Variants in DOP1A observed in about 807,000 individuals in gnomAD.
DOP1A encodes the protein DOP1 leucine zipper like protein A.
DOP1A carries 90 observed loss-of-function variants against 267.6 expected under a neutral mutation model. That is an observed-to-expected ratio of 0.34 (90% CI 0.28 to 0.40). The LOEUF is 0.40. Among genes scored for constraint, DOP1A ranks in the 10% least tolerant of loss-of-function variants. The pLI, the probability that DOP1A is intolerant of heterozygous loss-of-function variation, is 1.00. For synonymous variants in DOP1A, 932 were observed against 999.1 expected (o/e 0.93, Z 1.27); for missense variants, 2,437 against 2,900.4 (o/e 0.84, Z 3.67).
At chr6:83,125,296 A>G (rs1776986844) in intron 14 of DOP1A, 101 bp downstream of exon 14, 1 of 1,240,808 alleles carries the variant, frequency 8.1e-7, no homozygotes, top group Middle Eastern at 2.4e-4. Flanking sequence ...ATTTTATAAT[A>G]TATGCTTTGA....
chr6:83,150,852 A>G (rs1781524252), intron 27 of DOP1A, among the ~76,000 whole-genome samples: 1 of 152,232 alleles, frequency 6.6e-6, no homozygotes, highest in Non-Finnish European at 1.5e-5. Flanking sequence ...ACAAATAATT[A>G]GTACACAACT....
rs762902536 is a variant in DOP1A, at chr6:83,142,089, T to G, written c.5541+43T>G. The G allele has an allele frequency of 2.5e-6, 4 of 1,604,494 alleles. No individual in the cohort carries two copies. The South Asian group carries it at 4.5e-5, about 18-fold the overall frequency. ...TGGCACTTTTTGTTTTTGCATTTGG[T>G]GAGTACATGCTAATTTCCACTTCTC... On this transcript the variant is annotated intron_variant, in intron 24 of 38. Transcript: ENST00000349129.
rs1320201220 is a variant in DOP1A at position 83,144,949 on chromosome 6, T to TA, written c.5542-569dup. ...GGAGACTCTGTCTCCACAAAAAAAT[T>TA]AAAAAATTATCTGGGCATAGTGGCA... On this transcript the variant is annotated intron_variant, in intron 24 of 38. Transcript: ENST00000349129. Among the ~76,000 whole-genome samples, 5 of 148,344 alleles carry TA rather than the reference T, an allele frequency of 3.4e-5. No individual in the cohort carries two copies. The Admixed American group carries it at 3.5e-4, about 10-fold the overall frequency.
intron 24 of DOP1A, among the ~76,000 whole-genome samples, chr6:83,145,265 G>T: frequency 2.9e-5 from 1 of 34,710 alleles, no homozygotes; most frequent in Non-Finnish European, 5.9e-5. Flanking sequence ...GTAGTCAAGG[G>T]ACTTGAAGAG....
intron 6 of DOP1A, among the ~76,000 whole-genome samples, chr6:83,110,709 C>T (rs1290075631): frequency 1.3e-5 from 2 of 152,104 alleles, no homozygotes; most frequent in Non-Finnish European, 2.9e-5. Flanking sequence ...AGCTTTATAT[C>T]TCTAGGGTGC....
chr6:83,166,525 C>CT, intron 38 of DOP1A: 1 of 676,306 alleles, frequency 1.5e-6, no homozygotes, highest in Non-Finnish European at 2.7e-6. Flanking sequence ...TTTCCATAGT[C>CT]TAAAATAAAT....
intron 20 of DOP1A, 145 bp from the exon 21 acceptor site, chr6:83,137,028 C>A: frequency 1.2e-6 from 1 of 809,178 alleles, no homozygotes; most frequent in Non-Finnish European, 1.8e-6. Flanking sequence ...CTTTCACCTG[C>A]AATAAAATAA....
chr6:83,120,891 G>T, intron 10 of DOP1A, 100 bp downstream of exon 10: 1 of 864,778 alleles, frequency 1.2e-6, no homozygotes. Flanking sequence ...TTTTGAGGTG[G>T]CCTTTAAATA....
At position 83,137,709 on chromosome 6, in the gene DOP1A, G is replaced by A; in HGVS notation, c.3667G>A (p.Gly1223Arg). The change falls in exon 21 of 39, where the codon GGA becomes AGA. Residue 1223 changes from glycine (G) to arginine (R), a missense_variant. Physicochemically the swap from Gly to Arg is moderately radical, Grantham distance 125. This residue lies in a region of DOP1A where 878 missense variants were observed against 992.9 expected (regional missense o/e 0.88). Transcript: ENST00000349129. ...SSQFLSVSAE[G>R]GHECVANGIS... The stretch of plus-strand genomic sequence containing the variant: ...TCAGTTTCTGTCTGTGTCTGCAGAG[G>A]GAGGCCATGAGTGTGTGGCAAATGG... 1 of 1,613,604 alleles carries A rather than the reference G, an allele frequency of 6.2e-7. No individual in the cohort carries two copies. Among genetic ancestry groups the A allele is most frequent in the South Asian group, 1.1e-5 (1 of 91,052 alleles).
intron 7 of DOP1A, 103 bp from the exon 8 acceptor site, chr6:83,118,785 T>C (rs1775880221): frequency 2.4e-6 from 2 of 841,262 alleles, no homozygotes; most frequent in South Asian, 4.4e-5. Context: ...AAGTACTCCA[T>C]ACACCCTAAT....
intron 36 of DOP1A, 27 bp downstream of exon 36, chr6:83,158,649 GT>G: frequency 6.5e-7 from 1 of 1,545,854 alleles, no homozygotes; most frequent in Non-Finnish European, 8.9e-7. Flanking sequence ...ATATATTGTT[GT>G]CCATTTTTTA....
intron 1 of DOP1A, among the ~76,000 whole-genome samples, chr6:83,070,527 A>T (rs1785409322): frequency 6.6e-6 from 1 of 152,186 alleles, no homozygotes; most frequent in Admixed American, 6.5e-5. Context: ...GCACCCGTGT[A>T]GCTACCACCA....
intron 3 of DOP1A, among the ~76,000 whole-genome samples, chr6:83,099,151 T>C (rs1772062191): frequency 6.6e-6 from 1 of 152,130 alleles, no homozygotes; most frequent in Non-Finnish European, 1.5e-5. Flanking sequence ...GTGGGAGTTA[T>C]GAGCCAGGAA....
chr6:83,121,814 A>T, intron 10 of DOP1A, 116 bp from the exon 11 acceptor site: 2 of 1,061,284 alleles, frequency 1.9e-6, no homozygotes, highest in Non-Finnish European at 2.6e-6. Context: ...CTTCTGAAGA[A>T]ATACTATTTT....
At chr6:83,142,073 T>C in intron 24 of DOP1A, 27 bp downstream of exon 24, 2 of 1,606,982 alleles carry the variant, frequency 1.2e-6, no homozygotes, top group Admixed American at 1.7e-5. Context: ...TTGGCACTTT[T>C]TGTTTTTGCA....
chr6:83,164,733 T>C (rs573121987), intron 38 of DOP1A: 89 of 1,579,580 alleles, frequency 5.6e-5, no homozygotes, highest in Non-Finnish European at 7.5e-5. Flanking sequence ...AGGGTGGCTG[T>C]TTCATGCTTA....
intron 34 of DOP1A, among the ~76,000 whole-genome samples, chr6:83,156,401 T>C (rs981500747): frequency 6.6e-6 from 1 of 152,246 alleles, no homozygotes; most frequent in Non-Finnish European, 1.5e-5. Context: ...CATGTTAGCA[T>C]GTTCTCCTTG....
intron 27 of DOP1A, 104 bp downstream of exon 27, chr6:83,148,967 C>T (rs1305070148): frequency 4.7e-6 from 3 of 644,004 alleles, no homozygotes; most frequent in East Asian, 6.9e-5. Flanking sequence ...GATCTCTCTA[C>T]CTTCTCATAG....
intron 1 of DOP1A, among the ~76,000 whole-genome samples, chr6:83,093,377 C>G (rs1241203267): frequency 1.3e-5 from 2 of 152,126 alleles, no homozygotes; most frequent in East Asian, 3.9e-4. Context: ...TTTGGCACAA[C>G]CTTAACCAAG....
Sources: gnomAD v4.1 joint callset for allele counts (sites outside exome capture counted in the v4.1 genomes callset) on GRCh38, gnomAD v4.1.1 for gene constraint, gnomAD v4.1.1 regional missense constraint, MANE v1.5 for transcripts, NCBI Gene and HGNC (gene_info 2026-07-23, HGNC 2026-07-21) for gene names.